The following TAOK3 variants were observed in gnomAD, a reference collection of about 807,000 sequenced individuals.
TAOK3 encodes serine/threonine-protein kinase TAO3.
A neutral mutation model predicts 120.4 loss-of-function variants in TAOK3; 40 were observed. The ratio of observed to expected loss-of-function variants is 0.33; its 90% CI spans 0.26 to 0.43. The LOEUF is 0.43. Ranked by LOEUF, TAOK3 falls within the 20% of genes least tolerant of loss-of-function variation. The pLI is 1.00. For synonymous variants in TAOK3, 355 were observed against 387.5 expected (o/e 0.92, Z 0.99); for missense variants, 821 against 1,112.1 (o/e 0.74, Z 3.72).
At chr12:118,185,957 G>A (rs567073253) in intron 14 of TAOK3, among the ~76,000 whole-genome samples, 15 of 152,336 alleles carry the variant, frequency 9.8e-5, no homozygotes, top group African/African-American at 3.6e-4. Context: ...TGTCCAGGAA[G>A]AGAACACATT....
chr12:118,363,543 AG>A (rs1324125364), intron 1 of TAOK3, among the ~76,000 whole-genome samples: 1 of 152,200 alleles, frequency 6.6e-6, no homozygotes, highest in African/African-American at 2.4e-5. Context: ...TCAAGTACTT[AG>A]GGAATTCAAA....
chr12:118,249,881 T>C (rs923354703), intron 3 of TAOK3, among the ~76,000 whole-genome samples: 1 of 152,108 alleles, frequency 6.6e-6, no homozygotes, highest in Non-Finnish European at 1.5e-5. Context: ...AGCTTTCTTT[T>C]TGCCCTATTT....
At chr12:118,258,845 A>G (rs2041106148) in intron 2 of TAOK3, among the ~76,000 whole-genome samples, 1 of 152,200 alleles carries the variant, frequency 6.6e-6, no homozygotes, top group Admixed American at 6.5e-5. Context: ...TTATGAGACT[A>G]TCTTTAAGAA....
intron 1 of TAOK3, among the ~76,000 whole-genome samples, chr12:118,362,170 G>C (rs59950008): frequency 1.3e-5 from 2 of 151,990 alleles, no homozygotes; most frequent in South Asian, 4.1e-4. Flanking sequence ...TGGAGATACA[G>C]CAATTAATAA....
chr12:118,275,831 T>C (rs930220822), intron 1 of TAOK3, among the ~76,000 whole-genome samples: 1 of 152,140 alleles, frequency 6.6e-6, no homozygotes, highest in African/African-American at 2.4e-5. Flanking sequence ...GCAGGATAGA[T>C]CTCTCTGATA....
At chr12:118,305,242 A>C (rs192847051) in intron 1 of TAOK3, among the ~76,000 whole-genome samples, 1 of 152,278 alleles carries the variant, frequency 6.6e-6, no homozygotes, top group African/African-American at 2.4e-5. Context: ...ACACTTTCGG[A>C]GGCTGAGGCG....
intron 3 of TAOK3, among the ~76,000 whole-genome samples, chr12:118,247,794 C>T (rs541591745): frequency 2.7e-4 from 41 of 152,208 alleles, no homozygotes; most frequent in Non-Finnish European, 5.1e-4. Flanking sequence ...GAATTATAGG[C>T]GTGAGCTACT....
chr12:118,223,062 C>CTTTTTTTTT (rs75334511), intron 9 of TAOK3, among the ~76,000 whole-genome samples: 134 of 120,112 alleles, frequency 1.1e-3, no homozygotes, highest in Middle Eastern at 5.4e-3. Flanking sequence ...TTCTTTCTTT[C>CTTTTTTTTT]TTTTTTTTTT....
rs1356015462 is a variant in TAOK3, at chr12:118,326,631, T to C, written c.-194+46017A>G. On this transcript the variant is annotated intron_variant, in intron 1 of 20. Transcript: ENST00000392533. ...TTAATAGCAACCCCTCTACATTACT[T>C]AATTTTTGTAATCATGGATATAATT... 2.0e-5 allele frequency among the ~76,000 whole-genome samples: 3 copies of C among 152,346 alleles called. No homozygotes were observed. In the East Asian group the frequency reaches 5.8e-4, roughly 29 times the overall value.
intron 9 of TAOK3, among the ~76,000 whole-genome samples, chr12:118,228,158 T>G (rs2039597817): frequency 6.6e-6 from 1 of 151,012 alleles, no homozygotes; most frequent in Non-Finnish European, 1.5e-5. Context: ...ATACTCTTTT[T>G]TTTTTTTTTT....
intron 1 of TAOK3, among the ~76,000 whole-genome samples, chr12:118,303,134 T>C (rs747434644): frequency 1.2e-4 from 18 of 152,184 alleles, no homozygotes; most frequent in Non-Finnish European, 2.1e-4. Context: ...CTTGGCCCTA[T>C]TTCAACTTCA....
At chr12:118,153,576 C>T (rs977263263) in intron 19 of TAOK3, among the ~76,000 whole-genome samples, 7 of 152,304 alleles carry the variant, frequency 4.6e-5, no homozygotes, top group South Asian at 2.1e-4. Context: ...TAGAAGGTTT[C>T]GGACCATCAG....
chr12:118,166,098 G>C (rs1262445473), intron 17 of TAOK3, among the ~76,000 whole-genome samples: 1 of 152,208 alleles, frequency 6.6e-6, no homozygotes, highest in Non-Finnish European at 1.5e-5. Context: ...CCTATGAGGT[G>C]ATAAGACTGT....
chr12:118,204,798 G>A (rs1343343694), intron 11 of TAOK3, among the ~76,000 whole-genome samples: 2 of 152,192 alleles, frequency 1.3e-5, no homozygotes, highest in East Asian at 3.9e-4. Context: ...GGGAGGCCAA[G>A]GCGGGCAGAT....
At chr12:118,259,527 AAG>A (rs2041133909) in intron 2 of TAOK3, among the ~76,000 whole-genome samples, 1 of 152,204 alleles carries the variant, frequency 6.6e-6, no homozygotes, top group African/African-American at 2.4e-5. Context: ...GCAGCAGAGT[AAG>A]ACCCTATCTC....
At chr12:118,345,765 C>G (rs1870990082) in intron 1 of TAOK3, among the ~76,000 whole-genome samples, 1 of 149,544 alleles carries the variant, frequency 6.7e-6, no homozygotes. Flanking sequence ...CTCCTTATAA[C>G]TGGAAAGAAA....
At chr12:118,326,403 T>C (rs1430945521) in intron 1 of TAOK3, among the ~76,000 whole-genome samples, 1 of 152,232 alleles carries the variant, frequency 6.6e-6, no homozygotes, top group Non-Finnish European at 1.5e-5. Context: ...TATCGTTCTG[T>C]AGTATAATTT....
intron 17 of TAOK3, among the ~76,000 whole-genome samples, chr12:118,165,976 GA>G (rs1411992256): frequency 2.0e-5 from 3 of 152,120 alleles, no homozygotes; most frequent in Admixed American, 1.3e-4. Flanking sequence ...AGACATGGGG[GA>G]AAAATTATTC....
chr12:118,329,184 G>A (rs1269307949), intron 1 of TAOK3, among the ~76,000 whole-genome samples: 1 of 152,164 alleles, frequency 6.6e-6, no homozygotes, highest in Non-Finnish European at 1.5e-5. Flanking sequence ...AAACACAACT[G>A]ACAGACTGGA....
Sources: allele counts gnomAD v4.1 joint callset (sites outside exome capture counted in the v4.1 genomes callset), GRCh38; gene constraint gnomAD v4.1.1; transcripts MANE v1.5; gene names NCBI Gene and HGNC (gene_info 2026-07-23, HGNC 2026-07-21).